The following TEX11 variants were observed in gnomAD, a reference collection of about 807,000 sequenced individuals.
The protein encoded by TEX11 is testis-expressed protein 11.
A neutral mutation model predicts 84.4 loss-of-function variants in TEX11; 7 were observed. The ratio of observed to expected loss-of-function variants is 0.08; its 90% CI spans 0.05 to 0.16. TEX11 has a LOEUF of 0.16. Among genes scored for constraint, TEX11 ranks in the 10% least tolerant of loss-of-function variants. The pLI is 1.00. For missense variants in TEX11, 551 were observed against 660.5 expected (o/e 0.83, Z 1.82); for synonymous variants, 264 against 222.8 (o/e 1.18, Z -1.64).
chrX:70,528,739 GTC>G (rs1299348221), downstream of TEX11, among the ~76,000 whole-genome samples: 1 of 111,534 alleles, frequency 9.0e-6, no homozygotes, highest in Non-Finnish European at 1.9e-5. Flanking sequence ...CCAAATAAGA[GTC>G]TGGGATTCTT....
chrX:70,591,211 A>G (rs976789001), intron 25 of TEX11, among the ~76,000 whole-genome samples: 3 of 111,868 alleles, frequency 2.7e-5, no homozygotes, highest in African/African-American at 9.7e-5. Context: ...ATTTAATGCT[A>G]TACTTTCATA....
At chrX:70,908,366 C>G in intron 1 of TEX11, among the ~76,000 whole-genome samples, 1 of 110,994 alleles carries the variant, frequency 9.0e-6, no homozygotes, top group African/African-American at 3.3e-5. Flanking sequence ...CCCGCTTCAA[C>G]GTAATTTAGG....
At chrX:70,711,043 G>A (rs980601357) in intron 13 of TEX11, among the ~76,000 whole-genome samples, 1 of 109,567 alleles carries the variant, frequency 9.1e-6, no homozygotes, top group Non-Finnish European at 1.9e-5. Flanking sequence ...GTGGTGTTTG[G>A]TTTTTTGTCC....
chrX:70,657,455 T>TAA (rs56221505), intron 16 of TEX11, among the ~76,000 whole-genome samples: 17 of 96,131 alleles, frequency 1.8e-4, no homozygotes, highest in South Asian at 4.6e-4. Flanking sequence ...TGTAAAAAAT[T>TAA]AAAAAAAAAA....
chrX:70,766,020 A>T lies in TEX11; in HGVS notation c.693-21801T>A, dbSNP rs768541910. ...AATGTGAAAAAGATATAAAAGAAGT[A>T]ATCCTATTTACAATAGCCACAAATA... On this transcript the variant is annotated intron_variant, in intron 9 of 29. Coordinates refer to ENST00000374333, the MANE Select transcript of TEX11 (RefSeq NM_031276.3). 1.6e-4 allele frequency among the ~76,000 whole-genome samples: 18 copies of T among 112,482 alleles called. No individual in the cohort carries two copies. In the East Asian group the frequency reaches 4.4e-3, roughly 28 times the overall value.
At chrX:70,541,808 C>T (rs1176226230) in intron 28 of TEX11, among the ~76,000 whole-genome samples, 1 of 112,069 alleles carries the variant, frequency 8.9e-6, no homozygotes, top group Non-Finnish European at 1.9e-5. Context: ...TGTGTTATTT[C>T]TTACAAATGC....
intron 3 of TEX11, 62 bp downstream of exon 3, chrX:70,879,926 T>C: frequency 9.9e-7 from 1 of 1,008,712 alleles, no homozygotes; most frequent in Non-Finnish European, 1.3e-6. Context: ...ACCTATATAA[T>C]ACATTGGTTA....
chrX:70,661,229 T>C (rs1490643326), intron 16 of TEX11, among the ~76,000 whole-genome samples: 1 of 112,322 alleles, frequency 8.9e-6, no homozygotes, highest in East Asian at 2.8e-4. Flanking sequence ...GGAGACTGTA[T>C]CCCACGCCTG....
intron 16 of TEX11, among the ~76,000 whole-genome samples, chrX:70,659,208 G>A (rs1283761445): frequency 8.9e-6 from 1 of 111,828 alleles, no homozygotes. Context: ...TCAGATAAAT[G>A]GGCCTCATCA....
At chrX:70,844,468 G>A (rs1173425246) in intron 7 of TEX11, among the ~76,000 whole-genome samples, 1 of 66,815 alleles carries the variant, frequency 1.5e-5, no homozygotes, top group Non-Finnish European at 2.7e-5. Flanking sequence ...TTGTGGGGTG[G>A]GGGGAGGGGG....
At chrX:70,859,915 C>CTGAGATTTGCT (rs1292670117) in intron 5 of TEX11, among the ~76,000 whole-genome samples, 26 of 111,456 alleles carry the variant, frequency 2.3e-4, no homozygotes, top group African/African-American at 7.2e-4. Flanking sequence ...ACTCAGGAGG[C>CTGAGATTTGCT]TGAGGCAGGA....
the TEX11 span, among the ~76,000 whole-genome samples, chrX:70,515,808 C>T: frequency 8.9e-6 from 1 of 112,294 alleles, no homozygotes; most frequent in South Asian, 3.7e-4. Flanking sequence ...TTAATGATTG[C>T]CATTCTAACT....
At chrX:70,869,103 AAAATAAAATAAAAC>A (rs2091616867) in intron 4 of TEX11, among the ~76,000 whole-genome samples, 1 of 107,152 alleles carries the variant, frequency 9.3e-6, no homozygotes, top group Non-Finnish European at 1.9e-5. Flanking sequence ...AAAATAAAAT[AAAATAAAATAAAAC>A]AAAATAAAAT....
chrX:70,564,918 C>A (rs1194533965), intron 25 of TEX11, among the ~76,000 whole-genome samples: 2 of 109,369 alleles, frequency 1.8e-5, no homozygotes, highest in Non-Finnish European at 1.9e-5. Context: ...GGGTATATAC[C>A]CAGTAATGGG....
chrX:70,732,363 C>A (rs2090659870), intron 11 of TEX11, among the ~76,000 whole-genome samples: 1 of 111,545 alleles, frequency 9.0e-6, no homozygotes, highest in Non-Finnish European at 1.9e-5. Flanking sequence ...GTCAAATTGT[C>A]CCTGTTTGCA....
intron 17 of TEX11, among the ~76,000 whole-genome samples, chrX:70,644,906 A>G (rs1426586136): frequency 9.3e-6 from 1 of 107,360 alleles, no homozygotes; most frequent in Non-Finnish European, 1.9e-5. Context: ...CATGTACCCT[A>G]AAACTTAAAG....
chrX:70,894,551 G>A (rs75237905), intron 2 of TEX11, among the ~76,000 whole-genome samples: 10,201 of 109,079 alleles, frequency 0.094, 633 homozygotes, highest in Admixed American at 0.29. Flanking sequence ...ACTTGAACCC[G>A]GGAGGAAGAG....
intron 9 of TEX11, among the ~76,000 whole-genome samples, chrX:70,784,414 C>T (rs759931558): frequency 1.1e-4 from 12 of 111,415 alleles, no homozygotes; most frequent in Non-Finnish European, 1.1e-4. Context: ...CTTTGAAAAC[C>T]GGCACAAGAC....
the TEX11 span, among the ~76,000 whole-genome samples, chrX:70,512,374 A>G: frequency 2.8e-5 from 3 of 107,624 alleles, no homozygotes; most frequent in Non-Finnish European, 5.8e-5. Flanking sequence ...GCACACCACC[A>G]CACCCGGCTA....
Sources: gnomAD v4.1 joint callset for allele counts (sites outside exome capture counted in the v4.1 genomes callset) on GRCh38, gnomAD v4.1.1 for gene constraint, MANE v1.5 for transcripts, NCBI Gene and HGNC (gene_info 2026-07-23, HGNC 2026-07-21) for gene names.